TMED10: variants seen among roughly 807,000 people sequenced by gnomAD.
The protein encoded by TMED10 is transmembrane p24 trafficking protein 10.
In TMED10, 7 loss-of-function variants were observed where a neutral mutation model predicts 23.1. That is an observed-to-expected ratio of 0.30 (90% CI 0.17 to 0.57). The LOEUF is 0.57. TMED10 is among the 20% of genes least tolerant of loss of function. TMED10 has a pLI of 0.91. For missense variants in TMED10, 162 were observed against 274.8 expected (o/e 0.59, Z 2.90); for synonymous variants, 113 against 106.9 (o/e 1.06, Z -0.35).
At chr14:75,160,846 A>G (rs1896077160) in intron 1 of TMED10, among the ~76,000 whole-genome samples, 1 of 152,150 alleles carries the variant, frequency 6.6e-6, no homozygotes, top group Non-Finnish European at 1.5e-5. Flanking sequence ...GGAGTTTGAG[A>G]CCAGCCTGAC....
intron 1 of TMED10, among the ~76,000 whole-genome samples, chr14:75,171,003 A>G (rs1292269881): frequency 1.3e-5 from 2 of 152,210 alleles, no homozygotes; most frequent in African/African-American, 2.4e-5. Context: ...AAAGATGTCC[A>G]CATCCTAATC....
At chr14:75,149,452 C>G (rs1011433248) in intron 2 of TMED10, among the ~76,000 whole-genome samples, 1 of 126,516 alleles carries the variant, frequency 7.9e-6, no homozygotes, top group Non-Finnish European at 1.7e-5. Context: ...AACCATGAAC[C>G]AAACAAATTT....
intron 1 of TMED10, among the ~76,000 whole-genome samples, chr14:75,168,461 G>A (rs1896190970): frequency 6.6e-6 from 1 of 152,140 alleles, no homozygotes; most frequent in South Asian, 2.1e-4. Context: ...GGGGCTCTGA[G>A]AAGCAATTCA....
intron 1 of TMED10, among the ~76,000 whole-genome samples, chr14:75,164,573 A>ATTTT (rs1896135580): frequency 1.8e-3 from 6 of 3,312 alleles, no homozygotes; most frequent in Non-Finnish European, 3.5e-3. Flanking sequence ...ATATATATAT[A>ATTTT]TATATTTTTT....
chr14:75,147,889 C>T, intron 2 of TMED10, 152 bp from the exon 3 acceptor site: 1 of 704,618 alleles, frequency 1.4e-6, no homozygotes, highest in Non-Finnish European at 2.4e-6. Flanking sequence ...GCAGAAAATT[C>T]CTGGCTCTGG....
intron 3 of TMED10, among the ~76,000 whole-genome samples, chr14:75,138,172 T>A (rs1412801076): frequency 6.6e-6 from 1 of 152,262 alleles, no homozygotes; most frequent in East Asian, 1.9e-4. Flanking sequence ...ATTTATTTTA[T>A]GTTTTCTTAT....
chr14:75,154,294 T>G (rs1895992892), intron 1 of TMED10, among the ~76,000 whole-genome samples: 1 of 146,028 alleles, frequency 6.8e-6, no homozygotes. Context: ...CCCAGCTACT[T>G]TGGAGGCTGA....
At chr14:75,139,112 T>C (rs1276230635) in intron 3 of TMED10, 2 of 452,068 alleles carry the variant, frequency 4.4e-6, no homozygotes, top group Non-Finnish European at 8.9e-6. Context: ...TTTCCAGAGG[T>C]AAAGATGCTT....
At chr14:75,171,117 C>G (rs1231023018) in intron 1 of TMED10, among the ~76,000 whole-genome samples, 1 of 151,742 alleles carries the variant, frequency 6.6e-6, no homozygotes, top group Non-Finnish European at 1.5e-5. Context: ...CACAAGGGTC[C>G]TTATAAGGGA....
intron 1 of TMED10, among the ~76,000 whole-genome samples, chr14:75,168,165 T>TCA (rs1896187933): frequency 6.6e-6 from 1 of 152,068 alleles, no homozygotes; most frequent in Non-Finnish European, 1.5e-5. Context: ...CCCTGACCAC[T>TCA]CAAACACCCT....
chr14:75,145,388 G>A (rs563434892), intron 3 of TMED10, among the ~76,000 whole-genome samples: 78 of 152,308 alleles, frequency 5.1e-4, no homozygotes, highest in African/African-American at 1.6e-3. Context: ...TACGACAGCT[G>A]TGTCCAAAGC....
At chr14:75,151,925 A>C in intron 2 of TMED10, 107 bp downstream of exon 2, 1 of 1,001,028 alleles carries the variant, frequency 1.0e-6, no homozygotes, top group Non-Finnish European at 1.4e-6. Context: ...TCCAAATCAG[A>C]ATAAATAAAG....
chr14:75,140,958 T>C (rs1295249138), intron 3 of TMED10, among the ~76,000 whole-genome samples: 1 of 152,194 alleles, frequency 6.6e-6, no homozygotes, highest in Admixed American at 6.5e-5. Context: ...TATTACCAGC[T>C]TAAAACAAAT....
At chr14:75,147,623 A>T (rs200167631) in intron 3 of TMED10, 41 bp downstream of exon 3, 304 of 1,605,896 alleles carry the variant, frequency 1.9e-4, no homozygotes, top group Middle Eastern at 1.5e-3. Flanking sequence ...CTCACAGCAT[A>T]GCACACTGCT....
intron 1 of TMED10, among the ~76,000 whole-genome samples, chr14:75,163,140 C>T (rs939083966): frequency 6.6e-6 from 1 of 151,572 alleles, no homozygotes; most frequent in Non-Finnish European, 1.5e-5. Context: ...TACTCAGAAG[C>T]CTCAGGGAGG....
At chr14:75,138,527 T>G (rs1471797727) in intron 3 of TMED10, among the ~76,000 whole-genome samples, 1 of 152,008 alleles carries the variant, frequency 6.6e-6, no homozygotes, top group Non-Finnish European at 1.5e-5. Flanking sequence ...CATATAGAGC[T>G]GCAGAACAAA....
intron 1 of TMED10, among the ~76,000 whole-genome samples, chr14:75,169,412 C>T (rs1188995681): frequency 2.6e-5 from 4 of 152,180 alleles, no homozygotes; most frequent in Non-Finnish European, 5.9e-5. Context: ...GCCTGTAATC[C>T]CAGCACTTTG....
In TMED10 at chr14:75,134,837, T is replaced by C. The variant is rs1418796038; in HGVS notation, c.*48A>G. On this transcript the variant is annotated 3_prime_UTR_variant, in exon 5 of 5. Coordinates refer to ENST00000303575, the MANE Select transcript of TMED10 (RefSeq NM_006827.6). ...CCTTAGGCCAGGCACGTCCCAGCGA[T>C]GTTCTGCTGGCTGAGGTACAAGGTG... 2.5e-6 allele frequency: 4 copies of C among 1,610,760 alleles called. No individual in the cohort carries two copies. The African/African-American group carries it at 5.3e-5, about 22-fold the overall frequency.
Position 75,152,156 on chromosome 14 carries a change from A to T in TMED10, c.226-13T>A. The T allele has an allele frequency of 6.2e-7, 1 of 1,604,860 alleles. No individual in the cohort carries two copies. Among genetic ancestry groups the T allele is most frequent in the Non-Finnish European group, 8.5e-7 (1 of 1,172,278 alleles). ...CAGAATCTGTGATCTAAAATAAGAA[A>T]AGTAGTAAGAATAGGCAGCAAATAA... is the stretch of plus-strand genomic sequence containing the variant. On this transcript the variant is annotated splice_polypyrimidine_tract_variant and intron_variant, in intron 1 of 4. Transcript: ENST00000303575.
Sources: allele counts gnomAD v4.1 joint callset (sites outside exome capture counted in the v4.1 genomes callset), GRCh38; gene constraint gnomAD v4.1.1; transcripts MANE v1.5; gene names NCBI Gene and HGNC (gene_info 2026-07-23, HGNC 2026-07-21).